Variants in SEC14L5 observed in about 807,000 individuals in gnomAD.
The protein encoded by SEC14L5 is SEC14 like lipid binding 5, also known as SEC14-like protein 5.
A neutral mutation model predicts 84.6 loss-of-function variants in SEC14L5; 96 were observed. The observed-to-expected ratio is 1.13, with a 90% CI of 0.96 to 1.34. The LOEUF (loss-of-function observed/expected upper bound fraction) is 1.34, where lower values mean the gene tolerates loss of function less well. Among genes scored for constraint, SEC14L5 ranks in the 40% most tolerant of loss-of-function variants. SEC14L5 has a pLI of 0.00. For missense variants in SEC14L5, 1,224 were observed against 942.5 expected, an observed-to-expected ratio of 1.30 and a Z score of -3.91; for synonymous variants, 546 against 383.4, an observed-to-expected ratio of 1.42 and a Z score of -4.95.
At chr16:5,006,402 C>T (rs1955732603) in intron 12 of SEC14L5, among the ~76,000 whole-genome samples, 1 of 152,162 alleles carries the variant, frequency 6.6e-6, no homozygotes, top group Non-Finnish European at 1.5e-5. Context: ...TCATTCACTG[C>T]AGGGGAGGTG....
At chr16:4,981,813 G>C (rs1955426954) in intron 2 of SEC14L5, among the ~76,000 whole-genome samples, 1 of 152,202 alleles carries the variant, frequency 6.6e-6, no homozygotes, top group East Asian at 1.9e-4. Context: ...AAAGGAAGGG[G>C]CTTGCCTCGC....
chr16:4,964,664 G>C (rs544992024), intron 2 of SEC14L5, among the ~76,000 whole-genome samples: 2 of 151,864 alleles, frequency 1.3e-5, no homozygotes, highest in Non-Finnish European at 2.9e-5. Flanking sequence ...CTTCACTCCC[G>C]ACCTCAGGTG....
chr16:4,968,873 A>T (rs531650355), intron 2 of SEC14L5, among the ~76,000 whole-genome samples: 2 of 152,356 alleles, frequency 1.3e-5, no homozygotes, highest in East Asian at 3.8e-4. Context: ...ACATGTTAAA[A>T]TATTTAAAGA....
intron 6 of SEC14L5, among the ~76,000 whole-genome samples, chr16:4,994,046 G>C (rs1955581248): frequency 6.8e-6 from 1 of 146,522 alleles, no homozygotes; most frequent in African/African-American, 2.5e-5. Context: ...TTTCTTATTG[G>C]TTTGTAAGAG....
intron 2 of SEC14L5, among the ~76,000 whole-genome samples, chr16:4,963,012 G>T (rs1371826969): frequency 6.6e-6 from 1 of 152,198 alleles, no homozygotes; most frequent in Non-Finnish European, 1.5e-5. Flanking sequence ...GGAAGTTTCA[G>T]ATGAACTCAG....
Position 5,008,585 on chromosome 16 carries a change from C to G in SEC14L5, c.1737C>G (p.Val579=). Residue 579 remains valine, a synonymous_variant, in exon 14 of 16, where the codon GTC becomes GTG. Coordinates refer to ENST00000251170, the MANE Select transcript of SEC14L5 (RefSeq NM_014692.2). Reference sequence around the variant, plus strand: ...GGCAGCTGATCGACAAAGGCTGGGTCCTGGGCAGGGATTACAGCCGTGTGG... The same window carrying G: ...GGCAGCTGATCGACAAAGGCTGGGTGCTGGGCAGGGATTACAGCCGTGTGG... The part of the protein sequence containing the change: ...ASGQLIDKGW[V]LGRDYSRVEA... 1 of 1,607,368 alleles carries G rather than the reference C, an allele frequency of 6.2e-7. No homozygotes were observed. The highest frequency in any genetic ancestry group is 8.5e-7 in the Non-Finnish European group (1 of 1,178,178).
At chr16:5,005,713 A>G (rs187734157) in intron 11 of SEC14L5, among the ~76,000 whole-genome samples, 2 of 151,446 alleles carry the variant, frequency 1.3e-5, no homozygotes, top group African/African-American at 4.9e-5. Context: ...TACAAAAAAA[A>G]ATTAGCCGGG....
At chr16:5,009,487 C>G (rs1002411306) in intron 14 of SEC14L5, among the ~76,000 whole-genome samples, 1 of 152,052 alleles carries the variant, frequency 6.6e-6, no homozygotes, top group African/African-American at 2.4e-5. Flanking sequence ...CCATGTCCAA[C>G]TAACTTTTGT....
chr16:4,988,897 G>A (rs1955523985), intron 4 of SEC14L5, among the ~76,000 whole-genome samples: 1 of 152,260 alleles, frequency 6.6e-6, no homozygotes. Flanking sequence ...CCATTCCAGT[G>A]GAACAAAACG....
chr16:4,959,496 G>C (rs549977268), intron 2 of SEC14L5, 110 bp downstream of exon 2: 1 of 919,892 alleles, frequency 1.1e-6, no homozygotes, highest in Non-Finnish European at 1.8e-6. Flanking sequence ...GAAGGAATTA[G>C]TGAGTTACTC....
At position 4,996,456 on chromosome 16, in the gene SEC14L5, G is replaced by C; in HGVS notation, c.776G>C (p.Gly259Ala). ...CACTGGTTACAGGAGACCCACAAAGGCAAGGTGGGTGCAGGGGGTACCCTG... is the reference window on the plus strand; with the variant it reads ...CACTGGTTACAGGAGACCCACAAAGCCAAGGTGGGTGCAGGGGGTACCCTG... ...LRHWLQETHK[G>A]KIPKDEHILR... Residue 259 changes from glycine to alanine, a missense_variant, in exon 7 of 16, where the codon GGC (glycine) becomes GCC (alanine). Gly to Ala is a moderately conservative substitution (Grantham distance 60). Transcript: ENST00000251170. The C allele has an allele frequency of 6.4e-7, 1 of 1,552,692 alleles. No individual in the cohort carries two copies. Among genetic ancestry groups the C allele is most frequent in the Non-Finnish European group, 8.7e-7 (1 of 1,144,320 alleles).
chr16:4,977,352 C>T (rs1047722924), intron 2 of SEC14L5, among the ~76,000 whole-genome samples: 11 of 132,604 alleles, frequency 8.3e-5, no homozygotes, highest in Non-Finnish European at 1.7e-4. Flanking sequence ...GAGGCCGAGG[C>T]AGGAGAATCG....
intron 1 of SEC14L5, 89 bp from the exon 2 acceptor site, chr16:4,959,184 G>T (rs1195881473): frequency 1.9e-5 from 13 of 671,294 alleles, no homozygotes; most frequent in Non-Finnish European, 2.7e-5. Flanking sequence ...TGTGTGGGTG[G>T]GGCCAGGGGC....
intron 2 of SEC14L5, among the ~76,000 whole-genome samples, chr16:4,969,820 CTTTTT>C (rs1050575299): frequency 2.1e-5 from 3 of 141,304 alleles, no homozygotes; most frequent in Non-Finnish European, 4.6e-5. Context: ...TTTTTCTTTC[CTTTTT>C]TTTTTTTTTT....
In SEC14L5 at chr16:4,988,249, G is replaced by T. The variant is rs1955516833; in HGVS notation, c.314G>T (p.Arg105Leu). Reference protein sequence around the residue: ...IEAHNETFANRVVVNEHCSYT... With the variant: ...IEAHNETFANLVVVNEHCSYT... ...GCGCACAATGAGACCTTCGCCAACC[G>T]CGTGGTGGTGAACGAGCACTGCAGC... is the stretch of plus-strand genomic sequence containing the variant. Residue 105 changes from arginine to leucine, a missense_variant, in exon 4 of 16, where the codon CGC (arginine) becomes CTC (leucine). Transcript: ENST00000251170. 1 of 1,613,732 alleles carries T rather than the reference G, an allele frequency of 6.2e-7. No homozygotes were observed.
At chr16:4,986,161 C>A (rs1955484789) in intron 2 of SEC14L5, among the ~76,000 whole-genome samples, 1 of 149,324 alleles carries the variant, frequency 6.7e-6, no homozygotes, top group South Asian at 2.1e-4. Flanking sequence ...TTTTTTGAGA[C>A]AGAGTTTCGC....
At chr16:5,006,836 C>T (rs1222982295) in intron 12 of SEC14L5, among the ~76,000 whole-genome samples, 1 of 151,628 alleles carries the variant, frequency 6.6e-6, no homozygotes, top group Non-Finnish European at 1.5e-5. Context: ...ACAAGTGAAA[C>T]GGGGTGGGGG....
chr16:4,972,460 C>T (rs1212056287), intron 2 of SEC14L5, among the ~76,000 whole-genome samples: 1 of 152,338 alleles, frequency 6.6e-6, no homozygotes, highest in East Asian at 1.9e-4. Flanking sequence ...CCAAACCGGA[C>T]TCTGTACCCA....
chr16:5,000,340 T>C (rs1688454589), intron 8 of SEC14L5, among the ~76,000 whole-genome samples: 1 of 152,194 alleles, frequency 6.6e-6, no homozygotes, highest in Admixed American at 6.5e-5. Flanking sequence ...TCTCATTATG[T>C]TGCCCAGGCT....
Sources: gnomAD v4.1 joint callset for allele counts (sites outside exome capture counted in the v4.1 genomes callset) on GRCh38, gnomAD v4.1.1 for gene constraint, MANE v1.5 for transcripts, NCBI Gene and HGNC (gene_info 2026-07-23, HGNC 2026-07-21) for gene names.